Variants in TUBD1 observed in about 807,000 individuals in gnomAD.
The protein encoded by TUBD1 is tubulin delta chain.
A neutral mutation model predicts 51.2 loss-of-function variants in TUBD1; 38 were observed. The ratio of observed to expected loss-of-function variants is 0.74; its 90% CI spans 0.57 to 0.97. TUBD1 has a LOEUF of 0.97. Among genes scored for constraint, TUBD1 ranks in the 50% least tolerant of loss-of-function variants. The pLI is 0.00. For synonymous variants in TUBD1, 169 were observed against 178.2 expected (o/e 0.95, Z 0.41); for missense variants, 489 against 538.4 (o/e 0.91, Z 0.91).
chr17:59,874,768 A>T, intron 5 of TUBD1, 65 bp from the exon 6 acceptor site: 1 of 1,371,938 alleles, frequency 7.3e-7, no homozygotes, highest in Admixed American at 2.2e-5. Context: ...TAGTCTATAT[A>T]TAACCATGAT....
chr17:59,861,931 G>C (rs1241834087), intron 8 of TUBD1, among the ~76,000 whole-genome samples: 1 of 151,600 alleles, frequency 6.6e-6, no homozygotes, highest in Non-Finnish European at 1.5e-5. Context: ...CTCCCAAAGT[G>C]CTGGAATTAC....
chr17:59,864,025 C>T (rs1446579255), intron 7 of TUBD1, among the ~76,000 whole-genome samples, 178 bp from the exon 8 acceptor site: 3 of 151,596 alleles, frequency 2.0e-5, no homozygotes, highest in Admixed American at 6.6e-5. Context: ...GTAGATTGCT[C>T]GAGCCCAGGA....
intron 8 of TUBD1, 89 bp downstream of exon 8, chr17:59,863,575 C>T (rs2039560776): frequency 3.6e-6 from 4 of 1,112,884 alleles, no homozygotes; most frequent in African/African-American, 3.2e-5. Flanking sequence ...CAAGATCGTG[C>T]CACTGCACTC....
chr17:59,873,042 C>T (rs766510527), intron 6 of TUBD1, among the ~76,000 whole-genome samples: 1 of 151,648 alleles, frequency 6.6e-6, no homozygotes, highest in South Asian at 2.1e-4. Flanking sequence ...GGATTACAGG[C>T]GTGAGCTACT....
rs1248105108 is a variant in TUBD1, at chr17:59,878,279, G to A, written c.593C>T (p.Ser198Leu). ...ATTCTCATGAAGAAGGAGGGCGTCT[G>A]AAGATCGGTACAAGTGAGAAAGTGT... ...ILTLSHLYRSSDALLLHENDA... is the reference protein window; with the variant it reads ...ILTLSHLYRSLDALLLHENDA... Residue 198 changes from serine to leucine, a missense_variant, in exon 5 of 9, where the codon TCA becomes TTA. Transcript: ENST00000325752. 3 of 1,614,108 alleles carry A rather than the reference G, an allele frequency of 1.9e-6. No homozygotes were observed. The highest frequency in any genetic ancestry group is 2.5e-6 in the Non-Finnish European group (3 of 1,180,030).
At chr17:59,867,798 G>A (rs1007159939) in intron 6 of TUBD1, among the ~76,000 whole-genome samples, 1 of 152,058 alleles carries the variant, frequency 6.6e-6, no homozygotes, top group Non-Finnish European at 1.5e-5. Flanking sequence ...GTGCATGTGG[G>A]AGGACATGAC....
chr17:59,861,660 T>TTTTGTTTG (rs560573630), intron 8 of TUBD1, among the ~76,000 whole-genome samples: 3 of 151,658 alleles, frequency 2.0e-5, no homozygotes, highest in African/African-American at 7.3e-5. Flanking sequence ...GAGTGGGTTT[T>TTTTGTTTG]TTTGTTTGTT....
At chr17:59,871,956 C>G (rs2039999444) in intron 6 of TUBD1, among the ~76,000 whole-genome samples, 1 of 145,024 alleles carries the variant, frequency 6.9e-6, no homozygotes, top group Non-Finnish European at 1.5e-5. Flanking sequence ...CCACTATGCC[C>G]AGCATTTTTT....
At chr17:59,864,327 G>A (rs1195667107) in intron 7 of TUBD1, among the ~76,000 whole-genome samples, 1 of 150,464 alleles carries the variant, frequency 6.6e-6, no homozygotes, top group East Asian at 2.0e-4. Flanking sequence ...TGTATTTTTT[G>A]TAGAGATGGG....
At position 59,872,641 on chromosome 17, in the gene TUBD1, TGTGA is replaced by T. The variant is rs373233663; in HGVS notation, c.934+1894_934+1897del. Among the ~76,000 whole-genome samples the T allele has an allele frequency of 2.4e-3, 328 of 138,360 alleles. 1 individual carries two copies. The highest frequency in any genetic ancestry group is 0.02 in the Middle Eastern group (5 of 256). The allele number at this position is 138,360 out of a possible 152,430, so 90.8% of individuals were successfully genotyped here. On this transcript the variant is annotated intron_variant, in intron 6 of 8. Transcript: ENST00000325752. ...GAATGAAGGTAATTGTGTTTGTATG[TGTGA>T]GTATGTGTGTGAGTGTGCACATGTG...
chr17:59,874,416 C>T (rs913299044), intron 6 of TUBD1, 123 bp downstream of exon 6: 5 of 874,430 alleles, frequency 5.7e-6, no homozygotes, highest in Admixed American at 2.7e-5. Context: ...GAGTTTCTGC[C>T]GGAGTCTCTC....
intron 4 of TUBD1, among the ~76,000 whole-genome samples, chr17:59,879,825 C>T (rs1416916625): frequency 6.6e-6 from 1 of 151,770 alleles, no homozygotes; most frequent in East Asian, 1.9e-4. Flanking sequence ...TTGATCTCGG[C>T]TCACTGGAAC....
intron 2 of TUBD1, among the ~76,000 whole-genome samples, chr17:59,890,557 T>C (rs2040952658): frequency 3.9e-5 from 6 of 152,098 alleles, no homozygotes; most frequent in Admixed American, 3.9e-4. Flanking sequence ...GGTCCTCTTT[T>C]GAGAATCTTA....
At chr17:59,866,435 C>T (rs2039703090) in intron 7 of TUBD1, among the ~76,000 whole-genome samples, 174 bp downstream of exon 7, 1 of 151,998 alleles carries the variant, frequency 6.6e-6, no homozygotes, top group Admixed American at 6.6e-5. Context: ...TAAACCACTT[C>T]TATATTGGTG....
chr17:59,884,897 TGGGTGACAG>T, intron 3 of TUBD1: 1 of 197,942 alleles, frequency 5.1e-6, no homozygotes, highest in South Asian at 8.0e-5. Flanking sequence ...CACTCCAGCC[TGGGTGACAG>T]AACGAGACTC....
At chr17:59,882,763 T>C (rs914696135) in intron 3 of TUBD1, among the ~76,000 whole-genome samples, 1 of 151,842 alleles carries the variant, frequency 6.6e-6, no homozygotes, top group Non-Finnish European at 1.5e-5. Flanking sequence ...TACAAGAGCA[T>C]GTAACCATCC....
intron 1 of TUBD1, among the ~76,000 whole-genome samples, chr17:59,892,402 A>C (rs950986121): frequency 6.6e-6 from 1 of 152,208 alleles, no homozygotes; most frequent in African/African-American, 2.4e-5. Context: ...AAAGCAAAAG[A>C]AACATTAGAG....
At chr17:59,865,662 C>T (rs889708545) in intron 7 of TUBD1, among the ~76,000 whole-genome samples, 1 of 152,202 alleles carries the variant, frequency 6.6e-6, no homozygotes, top group South Asian at 2.1e-4. Context: ...CACTGGTTGT[C>T]CAGCAATTCC....
intron 2 of TUBD1, among the ~76,000 whole-genome samples, chr17:59,890,521 C>T (rs1002094748): frequency 1.4e-4 from 21 of 152,076 alleles, no homozygotes; most frequent in Non-Finnish European, 2.9e-5. Flanking sequence ...GGATTACAGG[C>T]GTGAGCCACC....
Sources: allele counts gnomAD v4.1 joint callset (sites outside exome capture counted in the v4.1 genomes callset), GRCh38; gene constraint gnomAD v4.1.1; transcripts MANE v1.5; gene names NCBI Gene and HGNC (gene_info 2026-07-23, HGNC 2026-07-21).